The following PDE8B variants were observed in gnomAD, a reference collection of about 807,000 sequenced individuals.
PDE8B encodes the protein high affinity cAMP-specific and IBMX-insensitive 3',5'-cyclic phosphodiesterase 8B.
In PDE8B, 26 loss-of-function variants were observed where a neutral mutation model predicts 101.3. The ratio of observed to expected loss-of-function variants is 0.26; its 90% CI spans 0.19 to 0.36. The LOEUF (loss-of-function observed/expected upper bound fraction) is 0.36, where lower values mean the gene tolerates loss of function less well. Ranked by LOEUF, PDE8B falls within the 10% of genes least tolerant of loss-of-function variation. The pLI is 1.00. For synonymous variants in PDE8B, 424 were observed against 429.3 expected (o/e 0.99, Z 0.15); for missense variants, 810 against 1,163.1 (o/e 0.70, Z 4.42).
At chr5:77,296,393 C>T (rs1768576495) in intron 1 of PDE8B, among the ~76,000 whole-genome samples, 1 of 152,024 alleles carries the variant, frequency 6.6e-6, no homozygotes, top group East Asian at 1.9e-4. Flanking sequence ...TCCTGAGTAG[C>T]TGGGACTACA....
chr5:77,391,446 G>A (rs73139015), intron 10 of PDE8B, among the ~76,000 whole-genome samples: 12,019 of 152,226 alleles, frequency 0.079, 1,465 homozygotes, highest in African/African-American at 0.27. Context: ...CTAGCCATAG[G>A]CATGCAGAGA....
chr5:77,309,109 A>G (rs1012424650), intron 1 of PDE8B, among the ~76,000 whole-genome samples: 5 of 151,628 alleles, frequency 3.3e-5, no homozygotes, highest in Non-Finnish European at 7.4e-5. Context: ...AACCCAGGAG[A>G]TGGAGGTTGT....
chr5:77,351,029 A>C (rs769792730), intron 8 of PDE8B, 36 bp from the exon 9 acceptor site: 1 of 1,492,900 alleles, frequency 6.7e-7, no homozygotes, highest in Non-Finnish European at 9.4e-7. Flanking sequence ...GTCATCCTTG[A>C]CTGAAGGATT....
chr5:77,149,560 A>G, the PDE8B span, among the ~76,000 whole-genome samples: 16,364 of 152,190 alleles, frequency 0.11, 1,397 homozygotes, highest in African/African-American at 0.24. Context: ...CACAATTTTT[A>G]GCGTACAAGT....
intron 7 of PDE8B, among the ~76,000 whole-genome samples, chr5:77,345,543 A>C (rs1400736720): frequency 6.6e-6 from 1 of 152,178 alleles, no homozygotes; most frequent in Non-Finnish European, 1.5e-5. Context: ...AATGCTTATA[A>C]ATGTCTAGGG....
the PDE8B span, among the ~76,000 whole-genome samples, chr5:77,159,084 G>A: frequency 6.6e-6 from 1 of 152,118 alleles, no homozygotes; most frequent in Non-Finnish European, 1.5e-5. Flanking sequence ...GTCTCAATGG[G>A]ACTTGATTGA....
the PDE8B span, chr5:77,142,263 C>T: frequency 6.6e-6 from 1 of 151,962 alleles, no homozygotes; most frequent in Non-Finnish European, 1.5e-5. Context: ...TAATAAATGC[C>T]AATTAGTCTT....
Position 77,215,309 on chromosome 5 carries a change from C to A in PDE8B, c.339+4045C>A, listed in dbSNP as rs1252398392. ...CTCAGCTCTTGGAATTCTTGCTAGG[C>A]CTTTCACCATCATTTTTCATTTTAA... On this transcript the variant is annotated intron_variant, in intron 1 of 21. Coordinates refer to ENST00000264917, the MANE Select transcript of PDE8B (RefSeq NM_003719.5). Among the ~76,000 whole-genome samples, 3 of 152,150 alleles carry A rather than the reference C, an allele frequency of 2.0e-5. No individual in the cohort carries two copies. The East Asian group carries it at 5.8e-4, about 29-fold the overall frequency.
At chr5:77,240,630 C>G (rs1306125203) in intron 1 of PDE8B, among the ~76,000 whole-genome samples, 1 of 152,190 alleles carries the variant, frequency 6.6e-6, no homozygotes, top group Non-Finnish European at 1.5e-5. Flanking sequence ...CTATTAATAT[C>G]TTTTCAGTAA....
chr5:77,424,203 A>G (rs1037510429), intron 20 of PDE8B, among the ~76,000 whole-genome samples: 9 of 152,140 alleles, frequency 5.9e-5, no homozygotes, highest in East Asian at 5.8e-4. Context: ...CTGCTCATCA[A>G]TGGGCTTCCC....
intron 4 of PDE8B, among the ~76,000 whole-genome samples, chr5:77,329,933 T>A (rs1001261253): frequency 6.6e-6 from 1 of 152,192 alleles, no homozygotes; most frequent in African/African-American, 2.4e-5. Context: ...TGCAAAGTCT[T>A]ACCCTCACTG....
chr5:77,257,731 T>A (rs886118940), intron 1 of PDE8B, among the ~76,000 whole-genome samples: 1 of 152,114 alleles, frequency 6.6e-6, no homozygotes, highest in African/African-American at 2.4e-5. Flanking sequence ...TATGTAAACA[T>A]GTGCCATGGT....
At chr5:77,094,763 G>A in the PDE8B span, among the ~76,000 whole-genome samples, 1 of 152,174 alleles carries the variant, frequency 6.6e-6, no homozygotes, top group African/African-American at 2.4e-5. Flanking sequence ...AAGGGGAAGG[G>A]GAGCAGACAT....
the PDE8B span, among the ~76,000 whole-genome samples, chr5:77,157,353 C>T: frequency 1.6e-4 from 24 of 152,108 alleles, no homozygotes; most frequent in African/African-American, 4.8e-4. Flanking sequence ...TGTGAAACAC[C>T]GGAGTGTGGG....
chr5:77,159,465 C>G, the PDE8B span, among the ~76,000 whole-genome samples: 1 of 152,078 alleles, frequency 6.6e-6, no homozygotes, highest in Non-Finnish European at 1.5e-5. Flanking sequence ...TGCCTTTGAA[C>G]CTTAGACTCC....
intron 10 of PDE8B, among the ~76,000 whole-genome samples, chr5:77,372,475 G>A (rs1189428127): frequency 6.6e-6 from 1 of 152,050 alleles, no homozygotes; most frequent in African/African-American, 2.4e-5. Context: ...TCTATTTTCC[G>A]AACAAGTTTA....
At chr5:77,195,454 C>CT in the PDE8B span, among the ~76,000 whole-genome samples, 777 of 150,100 alleles carry the variant, frequency 5.2e-3, 12 homozygotes, top group African/African-American at 0.017. Flanking sequence ...ATTGCCAACA[C>CT]TTTTTTTTTT....
In PDE8B at chr5:77,312,205, G is replaced by A. The variant is rs565907496; in HGVS notation, c.399+152G>A. ...TGCAACCTCTGCCTCCTGGGTTCAA[G>A]CGATTCTCCCACCTCAGCTACCCAA... On this transcript the variant is annotated intron_variant, in intron 2 of 21. Transcript: ENST00000264917. The A allele has an allele frequency of 1.5e-4, 102 of 663,218 alleles. 1 individual carries two copies. In the South Asian group the frequency reaches 1.6e-3, roughly 10 times the overall value. The allele number at this position is 663,218 out of a possible 1,614,324, so 41.1% of individuals were successfully genotyped here. A position where few individuals can be genotyped will look rare whatever the true frequency, so the allele number is the denominator to read the frequency against.
intron 17 of PDE8B, among the ~76,000 whole-genome samples, chr5:77,416,905 G>A (rs1354373569): frequency 1.3e-5 from 2 of 152,112 alleles, no homozygotes; most frequent in Admixed American, 6.5e-5. Flanking sequence ...TATCCCTTCA[G>A]CCACAGTGAT....
Sources: allele counts gnomAD v4.1 joint callset (sites outside exome capture counted in the v4.1 genomes callset), GRCh38; gene constraint gnomAD v4.1.1; transcripts MANE v1.5; gene names NCBI Gene and HGNC (gene_info 2026-07-23, HGNC 2026-07-21).